PCDHA6: variants seen among roughly 807,000 people sequenced by gnomAD.
The protein encoded by PCDHA6 is protocadherin alpha-6.
In PCDHA6, 55 loss-of-function variants were observed where a neutral mutation model predicts 60.3. The ratio of observed to expected loss-of-function variants is 0.91; its 90% confidence interval spans 0.73 to 1.14. The LOEUF is 1.14. Among genes scored for constraint, PCDHA6 ranks in the 50% most tolerant of loss-of-function variants. The pLI is 0.00. For synonymous variants in PCDHA6, 652 were observed against 557.9 expected (o/e 1.17, Z -2.38); for missense variants, 1,327 against 1,256.5 (o/e 1.06, Z -0.85).
rs567637148 is a variant in PCDHA6, at chr5:140,861,555, G to A, written c.2394+31070G>A. The A allele has an allele frequency of 2.5e-5, 10 of 403,260 alleles. No individual in the cohort carries two copies. The East Asian group carries it at 5.2e-4, about 21-fold the overall frequency. 25.0% of individuals were successfully genotyped at this position (403,260 alleles called of 1,614,324 possible). ...GTGCAGCATCCACCTGGAAGTGATC[G>A]TGGACAAGCTGCTACAGGTTTTCCA... On this transcript the variant is annotated intron_variant, in intron 1 of 3. Transcript: ENST00000529310.
At chr5:140,841,906 A>G in intron 1 of PCDHA6, 1 of 1,613,880 alleles carries the variant, frequency 6.2e-7, no homozygotes, top group Non-Finnish European at 8.5e-7. Context: ...TTGAGCTCGT[A>G]TTAAGAAAAT....
chr5:140,862,472 T>C (rs577275887), intron 1 of PCDHA6: 357 of 374,932 alleles, frequency 9.5e-4, no homozygotes, highest in Non-Finnish European at 1.4e-3. Context: ...AGAGCAAATC[T>C]ATCCATTGTT....
chr5:140,870,202 G>T, intron 1 of PCDHA6: 1 of 1,614,162 alleles, frequency 6.2e-7, no homozygotes, highest in Non-Finnish European at 8.5e-7. Flanking sequence ...GCCCAGCACG[G>T]TCATTGCCCT....
At chr5:140,989,565 G>A (rs782538666) in intron 3 of PCDHA6, among the ~76,000 whole-genome samples, 12 of 152,134 alleles carry the variant, frequency 7.9e-5, no homozygotes, top group South Asian at 4.1e-4. Context: ...TTGTGGCTCC[G>A]GCAAGCCCTG....
intron 1 of PCDHA6, chr5:140,883,270 T>C: frequency 6.2e-7 from 1 of 1,614,106 alleles, no homozygotes; most frequent in Non-Finnish European, 8.5e-7. Flanking sequence ...CGGGTCATTG[T>C]ACCCTTTTGG....
At chr5:140,920,842 A>G (rs1377558160) in intron 1 of PCDHA6, among the ~76,000 whole-genome samples, 1 of 127,576 alleles carries the variant, frequency 7.8e-6, no homozygotes, top group Non-Finnish European at 1.7e-5. Flanking sequence ...GACCAAATCT[A>G]AAAAAAAAAA....
chr5:140,902,565 T>G (rs571957153), intron 1 of PCDHA6, among the ~76,000 whole-genome samples: 1 of 152,110 alleles, frequency 6.6e-6, no homozygotes. Context: ...TTTTTGAGGG[T>G]TTTTAAGATT....
At chr5:140,982,336 A>G in intron 2 of PCDHA6, 139 bp from the exon 3 acceptor site, 1 of 1,449,074 alleles carries the variant, frequency 6.9e-7, no homozygotes, top group Non-Finnish European at 9.2e-7. Context: ...GCTCAGCAGT[A>G]ATTGCTTCAG....
chr5:140,952,709 T>C (rs2094784758), intron 1 of PCDHA6, among the ~76,000 whole-genome samples: 1 of 152,208 alleles, frequency 6.6e-6, no homozygotes, highest in Non-Finnish European at 1.5e-5. Flanking sequence ...CCACTCTCAG[T>C]ATCAATTTTC....
At chr5:140,954,618 G>C (rs1312581802) in intron 1 of PCDHA6, among the ~76,000 whole-genome samples, 3 of 152,078 alleles carry the variant, frequency 2.0e-5, no homozygotes, top group Non-Finnish European at 2.9e-5. Flanking sequence ...TAATGGGCTT[G>C]TTTGGGTTTT....
intron 1 of PCDHA6, chr5:140,841,708 C>T: frequency 6.2e-7 from 1 of 1,613,888 alleles, no homozygotes. Context: ...TTAATGACAA[C>T]CCGCCAGTGT....
intron 1 of PCDHA6, chr5:140,968,057 C>T (rs781959040): frequency 1.5e-5 from 24 of 1,613,992 alleles, no homozygotes; most frequent in East Asian, 6.7e-5. Context: ...GGACCGAGAG[C>T]GGGTGGCTGT....
chr5:140,875,352 T>C lies in PCDHA6; in HGVS notation c.2394+44867T>C, dbSNP rs563345056. ...AATAGGATCGACTCCATAATGACTGTGATGCTGGAAAAAATTTACTAAATA... is the reference window on the plus strand; with the variant it reads ...AATAGGATCGACTCCATAATGACTGCGATGCTGGAAAAAATTTACTAAATA... On this transcript the variant is annotated intron_variant, in intron 1 of 3. Transcript: ENST00000529310. 15 of 1,445,236 alleles carry C rather than the reference T, an allele frequency of 1.0e-5. No individual in the cohort carries two copies. In the African/African-American group the frequency reaches 1.9e-4, roughly 18 times the overall value. The allele number at this position is 1,445,236 out of a possible 1,614,324, so 89.5% of individuals were successfully genotyped here.
intron 1 of PCDHA6, among the ~76,000 whole-genome samples, chr5:140,944,291 G>T (rs155813): frequency 6.6e-6 from 1 of 151,928 alleles, no homozygotes; most frequent in African/African-American, 2.4e-5. Flanking sequence ...GGGCTCAAGC[G>T]ATCCTCCTAC....
At chr5:140,875,277 G>T in intron 1 of PCDHA6, 1 of 1,315,080 alleles carries the variant, frequency 7.6e-7, no homozygotes, top group African/African-American at 1.5e-5. Context: ...CACTCAGAAG[G>T]TGAAACAGGA....
At chr5:140,843,066 C>T (rs2150351563) in intron 1 of PCDHA6, 4 of 1,595,216 alleles carry the variant, frequency 2.5e-6, no homozygotes, top group Non-Finnish European at 3.4e-6. Context: ...AAGCTGGTGC[C>T]GCGGTCTGTG....
At chr5:140,836,054 C>T in intron 1 of PCDHA6, 2 of 1,613,594 alleles carry the variant, frequency 1.2e-6, no homozygotes, top group Non-Finnish European at 1.7e-6. Flanking sequence ...TCGTGCTGGA[C>T]GAGAACGACA....
chr5:140,965,648 GA>G (rs2095919572), intron 1 of PCDHA6, among the ~76,000 whole-genome samples: 1 of 152,128 alleles, frequency 6.6e-6, no homozygotes, highest in Non-Finnish European at 1.5e-5. Context: ...ACTCTTGAAA[GA>G]AAATGTCTTG....
intron 1 of PCDHA6, among the ~76,000 whole-genome samples, chr5:140,897,416 T>C (rs1233824796): frequency 6.9e-6 from 1 of 145,554 alleles, no homozygotes; most frequent in African/African-American, 2.5e-5. Flanking sequence ...TCAATTCCCA[T>C]CTATGAGTGA....
Sources: allele counts gnomAD v4.1 joint callset (sites outside exome capture counted in the v4.1 genomes callset), GRCh38; gene constraint gnomAD v4.1.1; transcripts MANE v1.5; gene names NCBI Gene and HGNC (gene_info 2026-07-23, HGNC 2026-07-21).